B3GALT5: variants seen among roughly 807,000 people sequenced by gnomAD.
B3GALT5 encodes beta-1,3-galactosyltransferase 5.
For synonymous variants in B3GALT5, 156 were observed against 158.6 expected (o/e 0.98, Z 0.12); for missense variants, 328 against 396.6 (o/e 0.83, Z 1.47).
Position 39,639,347 on chromosome 21 carries a change from T to TTTCTTTCTTTTTTTCCTTCCTTCCTTCC in B3GALT5, c.-391-7042_-391-7041insTTTCTTTTTTTCCTTCCTTCCTTCCTTC, listed in dbSNP as rs762994044. ...CTTTCTTTCTTTCTTTCTTTCTTTC[T>TTTCTTTCTTTTTTTCCTTCCTTCCTTCC]TTCCTTCCTTCCTTCCTTCCTTCCT... is the stretch of plus-strand genomic sequence containing the variant. On this transcript the variant is annotated intron_variant, in intron 1 of 3. Coordinates refer to ENST00000684187, the MANE Select transcript of B3GALT5 (RefSeq NM_001356336.2). Among the ~76,000 whole-genome samples the TTTCTTTCTTTTTTTCCTTCCTTCCTTCC allele has an allele frequency of 3.7e-4, 25 of 66,734 alleles. 1 individual carries two copies. The highest frequency in any genetic ancestry group is 5.0e-4 in the Non-Finnish European group (17 of 34,122). 43.8% of individuals were successfully genotyped at this position (66,734 alleles called of 152,430 possible).
intron 1 of B3GALT5, among the ~76,000 whole-genome samples, chr21:39,628,362 G>A (rs75165850): frequency 0.043 from 6,620 of 152,292 alleles, 178 homozygotes; most frequent in South Asian, 0.075. Flanking sequence ...CATCACCCGA[G>A]TAACGTGTAT....
intron 1 of B3GALT5, among the ~76,000 whole-genome samples, chr21:39,619,818 A>AT (rs1192960418): frequency 7.3e-5 from 11 of 150,558 alleles, no homozygotes; most frequent in Non-Finnish European, 1.3e-4. Context: ...TCTTTCTTTT[A>AT]TTTTTTTTAG....
chr21:39,644,666 A>G (rs1416490181), intron 1 of B3GALT5, among the ~76,000 whole-genome samples: 1 of 152,220 alleles, frequency 6.6e-6, no homozygotes, highest in African/African-American at 2.4e-5. Context: ...CTTGTTATGC[A>G]CAAGGAGGGA....
In B3GALT5 at chr21:39,646,263, T is replaced by G. The variant is rs999423817; in HGVS notation, c.-391-129T>G. The G allele has an allele frequency of 2.0e-5, 3 of 152,062 alleles. No individual in the cohort carries two copies. The East Asian group carries it at 5.8e-4, about 29-fold the overall frequency. 9.4% of individuals were successfully genotyped at this position (152,062 alleles called of 1,614,324 possible). ...GCCTCCTCTGTATGAACAGCACGGG[T>G]GAAACTCTTGATGTTACTTCTTCCT... On this transcript the variant is annotated intron_variant, in intron 1 of 3. Coordinates refer to ENST00000684187, the MANE Select transcript of B3GALT5 (RefSeq NM_001356336.2).
intron 1 of B3GALT5, among the ~76,000 whole-genome samples, chr21:39,624,182 CTT>C (rs780302112): frequency 2.6e-5 from 4 of 152,174 alleles, no homozygotes; most frequent in Non-Finnish European, 5.9e-5. Context: ...ATTAATGAAA[CTT>C]TGATGAATTT....
chr21:39,620,046 G>A (rs1048408964), intron 1 of B3GALT5, among the ~76,000 whole-genome samples: 15 of 152,066 alleles, frequency 9.9e-5, no homozygotes, highest in African/African-American at 3.4e-4. Context: ...GGCTGGTCTC[G>A]AACCCCTGGC....
intron 1 of B3GALT5, among the ~76,000 whole-genome samples, chr21:39,643,026 TG>T (rs2079303535): frequency 6.6e-6 from 1 of 151,236 alleles, no homozygotes; most frequent in African/African-American, 2.4e-5. Flanking sequence ...CACTCCAGCC[TG>T]GGCGAAAGAG....
At position 39,632,259 on chromosome 21, in the gene B3GALT5, G is replaced by T. The variant is rs141617947; in HGVS notation, c.-391-14133G>T. Among the ~76,000 whole-genome samples, 20 of 152,314 alleles carry T rather than the reference G, an allele frequency of 1.3e-4. No homozygotes were observed. The East Asian group carries it at 3.9e-3, about 29-fold the overall frequency. On this transcript the variant is annotated intron_variant, in intron 1 of 3. Transcript: ENST00000684187. The stretch of plus-strand genomic sequence containing the variant: ...CTGCAGAAGGAACAAGCTGGTAAAA[G>T]CACTTTTGGGAGACTGGGGAAAGGA...
chr21:39,655,660 A>C (rs2079435894), intron 2 of B3GALT5, among the ~76,000 whole-genome samples: 1 of 152,162 alleles, frequency 6.6e-6, no homozygotes, highest in Non-Finnish European at 1.5e-5. Flanking sequence ...AAAAGAAAAC[A>C]GCAGAGGTGA....
chr21:39,651,894 T>G (rs984622634), intron 2 of B3GALT5, among the ~76,000 whole-genome samples: 2 of 152,324 alleles, frequency 1.3e-5, no homozygotes, highest in Middle Eastern at 6.8e-3. Flanking sequence ...CATAATTGAT[T>G]TCCCCTGTGA....
chr21:39,632,353 G>T (rs1396799513), intron 1 of B3GALT5, among the ~76,000 whole-genome samples: 1 of 152,182 alleles, frequency 6.6e-6, no homozygotes, highest in East Asian at 1.9e-4. Context: ...GGTATGTTCA[G>T]ATAAGCAGTG....
At position 39,671,835 on chromosome 21, in the gene B3GALT5, A is replaced by G. The variant is rs1222655275; in HGVS notation, c.*10343A>G. The G allele has an allele frequency of 6.6e-6, 1 of 152,234 alleles. No individual in the cohort carries two copies. The highest frequency in any genetic ancestry group is 1.5e-5 in the Non-Finnish European group (1 of 68,072). The allele number at this position is 152,234 out of a possible 1,614,324, so 9.4% of individuals were successfully genotyped here. ...TTCCTGCTGTTGAAATCTGAGTGCT[A>G]GGAACGGACCTCTTGCTCTCAGATT... On this transcript the variant is annotated 3_prime_UTR_variant, in exon 4 of 4. Transcript: ENST00000684187.
intron 1 of B3GALT5, among the ~76,000 whole-genome samples, chr21:39,621,541 C>T (rs2079134261): frequency 6.6e-6 from 1 of 151,524 alleles, no homozygotes; most frequent in Non-Finnish European, 1.5e-5. Context: ...TGGGTTGTTG[C>T]ATCGTAGAGT....
At chr21:39,639,382 C>CTT (rs2079262519) in intron 1 of B3GALT5, among the ~76,000 whole-genome samples, 1 of 129,724 alleles carries the variant, frequency 7.7e-6, no homozygotes, top group African/African-American at 2.9e-5. Context: ...TTCCTTCCTT[C>CTT]CTTCCTTCCT....
chr21:39,619,817 T>C (rs1268141239), intron 1 of B3GALT5, among the ~76,000 whole-genome samples: 1 of 152,192 alleles, frequency 6.6e-6, no homozygotes, highest in Non-Finnish European at 1.5e-5. Flanking sequence ...TTCTTTCTTT[T>C]ATTTTTTTTA....
At chr21:39,627,473 C>T (rs189231794) in intron 1 of B3GALT5, among the ~76,000 whole-genome samples, 42 of 152,270 alleles carry the variant, frequency 2.8e-4, no homozygotes, top group Middle Eastern at 3.4e-3. Context: ...CAGTTGCTGG[C>T]AGAGAGGAAG....
chr21:39,665,777 C>T lies in B3GALT5; in HGVS notation c.*4285C>T, dbSNP rs1040033661. ...CTCACCTCACTCCCATGCCCCGTACCTTATATTGTTTTCCTTGCACTTACC... is the reference window on the plus strand; with the variant it reads ...CTCACCTCACTCCCATGCCCCGTACTTTATATTGTTTTCCTTGCACTTACC... On this transcript the variant is annotated 3_prime_UTR_variant, in exon 4 of 4. Transcript: ENST00000684187. 6.6e-6 allele frequency: 1 copy of T among 152,250 alleles called. No homozygotes were observed. Among genetic ancestry groups the T allele is most frequent in the African/African-American group, 2.4e-5 (1 of 41,454 alleles). The allele number at this position is 152,250 out of a possible 1,614,324, so 9.4% of individuals were successfully genotyped here. A position where few individuals can be genotyped will look rare whatever the true frequency, so the allele number is the denominator to read the frequency against.
At chr21:39,642,888 A>G (rs76693241) in intron 1 of B3GALT5, among the ~76,000 whole-genome samples, 3 of 80,454 alleles carry the variant, frequency 3.7e-5, no homozygotes, top group Non-Finnish European at 5.4e-5. Flanking sequence ...AAAAAAAAAA[A>G]AAAGAAAAGA....
intron 1 of B3GALT5, among the ~76,000 whole-genome samples, chr21:39,627,534 T>G (rs956449512): frequency 1.3e-5 from 2 of 152,124 alleles, no homozygotes; most frequent in Admixed American, 1.3e-4. Context: ...GCTCATGTAT[T>G]CAGTCGATCC....
Sources: gnomAD v4.1 joint callset for allele counts (sites outside exome capture counted in the v4.1 genomes callset) on GRCh38, gnomAD v4.1.1 for gene constraint, MANE v1.5 for transcripts, NCBI Gene and HGNC (gene_info 2026-07-23, HGNC 2026-07-21) for gene names.